The following SDK1 variants were observed in gnomAD, a reference collection of about 807,000 sequenced individuals.
SDK1 encodes protein sidekick-1.
A neutral mutation model predicts 245.5 loss-of-function variants in SDK1; 157 were observed. The observed-to-expected ratio is 0.64, with a 90% CI of 0.56 to 0.73. SDK1 has a LOEUF of 0.73. Among genes scored for constraint, SDK1 ranks in the 30% least tolerant of loss-of-function variants. The pLI is 0.00. For missense variants in SDK1, 3,583 were observed against 3,002.3 expected (o/e 1.19, Z -4.52); for synonymous variants, 1,647 against 1,278.5 (o/e 1.29, Z -6.15).
chr7:3,812,790 C>A (rs950770897), intron 4 of SDK1, among the ~76,000 whole-genome samples: 2 of 152,192 alleles, frequency 1.3e-5, no homozygotes, highest in African/African-American at 4.8e-5. Flanking sequence ...AGCAAGCCTG[C>A]CTGCCTGAAT....
intron 14 of SDK1, among the ~76,000 whole-genome samples, chr7:3,994,090 C>A (rs182741512): frequency 1.6e-3 from 246 of 152,274 alleles, no homozygotes; most frequent in Non-Finnish European, 2.8e-3. Flanking sequence ...GCATTCCCTG[C>A]TTTGTCTCAC....
intron 4 of SDK1, among the ~76,000 whole-genome samples, chr7:3,813,555 A>G (rs1779437232): frequency 6.6e-6 from 1 of 150,482 alleles, no homozygotes; most frequent in African/African-American, 2.5e-5. Flanking sequence ...TATTGTGAAT[A>G]ATGCCGCAGT....
chr7:4,237,595 T>C, intron 41 of SDK1, 52 bp from the exon 42 acceptor site: 1 of 1,608,884 alleles, frequency 6.2e-7, no homozygotes, highest in Non-Finnish European at 8.5e-7. Context: ...GGGAGGTGAC[T>C]GCAGCTGGAG....
intron 22 of SDK1, among the ~76,000 whole-genome samples, chr7:4,082,342 C>T (rs550826414): frequency 6.6e-6 from 1 of 152,122 alleles, no homozygotes; most frequent in East Asian, 1.9e-4. Flanking sequence ...TCGAGGCCAG[C>T]CTGGCCAACA....
rs1421671339 is a variant in SDK1 at position 3,658,226 on chromosome 7, A to G, written c.713+16121A>G. ...ACTGTCATAGCCGTGAGGTGGAATC[A>G]TTTTCTCATGAGGGCCCATTCTTTG... On this transcript the variant is annotated intron_variant, in intron 4 of 44. Coordinates refer to ENST00000404826, the MANE Select transcript of SDK1 (RefSeq NM_152744.4). 1.3e-5 allele frequency among the ~76,000 whole-genome samples: 2 copies of G among 152,024 alleles called. 1 individual carries two copies. Among genetic ancestry groups the G allele is most frequent in the Non-Finnish European group, 2.9e-5 (2 of 68,006 alleles).
intron 8 of SDK1, among the ~76,000 whole-genome samples, chr7:3,960,273 A>G (rs1781578279): frequency 6.6e-6 from 1 of 152,290 alleles, no homozygotes; most frequent in South Asian, 2.1e-4. Flanking sequence ...GGCCTGTGGA[A>G]GTTACTCATT....
In SDK1 at chr7:3,900,948, C is replaced by CAA. The variant is rs34730199; in HGVS notation, c.848-49967_848-49966dup. On this transcript the variant is annotated intron_variant, in intron 5 of 44. Coordinates refer to ENST00000404826, the MANE Select transcript of SDK1 (RefSeq NM_152744.4). The stretch of plus-strand genomic sequence containing the variant: ...CAAATTCAAATGTGCCTAATTGTAG[C>CAA]AAAAAAAAAGACCTTTATGGCTTTT... 2.0e-3 allele frequency among the ~76,000 whole-genome samples: 297 copies of CAA among 149,958 alleles called. 1 individual carries two copies. Among genetic ancestry groups the CAA allele is most frequent in the Middle Eastern group, 0.01 (3 of 292 alleles).
intron 1 of SDK1, among the ~76,000 whole-genome samples, chr7:3,614,492 A>G (rs929601148): frequency 4.6e-5 from 7 of 152,200 alleles, no homozygotes; most frequent in South Asian, 2.1e-4. Context: ...AGGCAACTCA[A>G]TCATTTTCTT....
chr7:3,447,840 G>A (rs929346191), intron 1 of SDK1, among the ~76,000 whole-genome samples: 5 of 151,662 alleles, frequency 3.3e-5, no homozygotes, highest in Admixed American at 3.3e-4. Context: ...GAGTAGCTGG[G>A]ATTATAAGCA....
intron 5 of SDK1, among the ~76,000 whole-genome samples, chr7:3,903,418 T>C (rs1781859840): frequency 6.6e-6 from 1 of 152,136 alleles, no homozygotes; most frequent in African/African-American, 2.4e-5. Context: ...AGTGCTTGGA[T>C]TACAGGCACG....
intron 5 of SDK1, among the ~76,000 whole-genome samples, chr7:3,848,468 G>T (rs1332678802): frequency 6.6e-6 from 1 of 152,180 alleles, no homozygotes; most frequent in East Asian, 1.9e-4. Context: ...TTGAGAGGGA[G>T]TAGCTGGAGT....
rs145288872 is a variant in SDK1 at position 3,376,986 on chromosome 7, C to G, written c.298+75102C>G. On this transcript the variant is annotated intron_variant, in intron 1 of 44. Coordinates refer to ENST00000404826, the MANE Select transcript of SDK1 (RefSeq NM_152744.4). ...GGTTTCTTCTCAATATTAGTAATTT[C>G]TTTAATTTTAACTTCCTTGTTGCCA... is the stretch of plus-strand genomic sequence containing the variant. Among the ~76,000 whole-genome samples the G allele has an allele frequency of 1.5e-3, 226 of 152,176 alleles. 1 individual carries two copies. The highest frequency in any genetic ancestry group is 2.8e-3 in the Non-Finnish European group (190 of 68,004).
intron 1 of SDK1, among the ~76,000 whole-genome samples, chr7:3,308,873 C>G (rs1054154356): frequency 1.3e-5 from 2 of 151,988 alleles, no homozygotes; most frequent in Non-Finnish European, 2.9e-5. Flanking sequence ...GATGAATAGT[C>G]TTTCCAATGA....
At chr7:3,602,029 A>G (rs945900417) in intron 1 of SDK1, among the ~76,000 whole-genome samples, 6 of 152,008 alleles carry the variant, frequency 3.9e-5, no homozygotes, top group Admixed American at 3.9e-4. Context: ...ATGGCTGCAT[A>G]GTATTCCATG....
intron 1 of SDK1, among the ~76,000 whole-genome samples, chr7:3,422,777 G>T (rs867027926): frequency 6.6e-6 from 1 of 152,226 alleles, no homozygotes; most frequent in Non-Finnish European, 1.5e-5. Context: ...GGATGTGGGA[G>T]AGGAAATGAT....
At chr7:3,798,076 G>T (rs930997402) in intron 4 of SDK1, among the ~76,000 whole-genome samples, 2 of 151,938 alleles carry the variant, frequency 1.3e-5, no homozygotes, top group African/African-American at 4.8e-5. Context: ...ATTTACTAGA[G>T]CCTTTTTCCC....
At chr7:3,820,218 C>G (rs574498682) in intron 4 of SDK1, among the ~76,000 whole-genome samples, 1 of 152,276 alleles carries the variant, frequency 6.6e-6, no homozygotes, top group South Asian at 2.1e-4. Flanking sequence ...GGCGTGATCT[C>G]AGCTCACTTC....
At chr7:3,518,927 G>C (rs770887734) in intron 1 of SDK1, among the ~76,000 whole-genome samples, 2 of 151,638 alleles carry the variant, frequency 1.3e-5, no homozygotes, top group Non-Finnish European at 2.9e-5. Context: ...GATAAAAAAT[G>C]TGCTATATAT....
rs537125348 is a variant in SDK1, at chr7:3,829,109, C to G, written c.847+7526C>G. On this transcript the variant is annotated intron_variant, in intron 5 of 44. Coordinates refer to ENST00000404826, the MANE Select transcript of SDK1 (RefSeq NM_152744.4). ...AGATTCCTTTGAATACATATAGATG[C>G]GCTGCGGTAGTTTTATTAAAATATA... Among the ~76,000 whole-genome samples the G allele has an allele frequency of 2.4e-4, 36 of 152,192 alleles. No individual in the cohort carries two copies. In the South Asian group the frequency reaches 7.5e-3, roughly 32 times the overall value.
Sources: allele counts gnomAD v4.1 joint callset (sites outside exome capture counted in the v4.1 genomes callset), GRCh38; gene constraint gnomAD v4.1.1; transcripts MANE v1.5; gene names NCBI Gene and HGNC (gene_info 2026-07-23, HGNC 2026-07-21).